The following FANCC variants were observed in gnomAD, a reference collection of about 807,000 sequenced individuals.
FANCC encodes the protein Fanconi anemia group C protein.
Under a neutral mutation model 71.3 loss-of-function variants are expected in FANCC, and 55 were observed. The ratio of observed to expected loss-of-function variants is 0.77; its 90% CI spans 0.62 to 0.97. The LOEUF (loss-of-function observed/expected upper bound fraction) is 0.97. FANCC is among the 50% of genes least tolerant of loss of function. FANCC has a pLI of 0.00. For missense variants in FANCC, 678 were observed against 670.9 expected (o/e 1.01, Z -0.12); for synonymous variants, 275 against 244.9 (o/e 1.12, Z -1.15).
intron 11 of FANCC, among the ~76,000 whole-genome samples, chr9:95,116,725 G>A (rs901981525): frequency 1.3e-5 from 2 of 152,162 alleles, no homozygotes; most frequent in Non-Finnish European, 2.9e-5. Context: ...CACATTCCTG[G>A]ATCAACACCA....
At chr9:95,116,393 G>A (rs1296971979) in intron 11 of FANCC, among the ~76,000 whole-genome samples, 1 of 152,224 alleles carries the variant, frequency 6.6e-6, no homozygotes, top group Non-Finnish European at 1.5e-5. Context: ...ATCACCCTGG[G>A]CAAGAACCTA....
At chr9:95,204,505 T>C (rs768309100) in intron 4 of FANCC, among the ~76,000 whole-genome samples, 4 of 152,198 alleles carry the variant, frequency 2.6e-5, no homozygotes, top group Non-Finnish European at 5.9e-5. Context: ...ACACAATTTT[T>C]GTGTGTAGGC....
intron 4 of FANCC, among the ~76,000 whole-genome samples, chr9:95,196,811 C>T (rs190136433): frequency 6.6e-6 from 1 of 152,180 alleles, no homozygotes; most frequent in African/African-American, 2.4e-5. Flanking sequence ...AGTTGGCAGA[C>T]CACGGACTCT....
rs730881711 is a variant in FANCC, at chr9:95,172,053, G to A, written c.440C>T (p.Pro147Leu). 2.3e-5 allele frequency: 37 copies of A among 1,606,000 alleles called. No homozygotes were observed. The highest frequency in any genetic ancestry group is 2.8e-5 in the Non-Finnish European group (33 of 1,172,932). Reference protein sequence around the residue: ...GLGYAPIDYYPGLLKNMVLSL... With the variant: ...GLGYAPIDYYLGLLKNMVLSL... ...AATACTCACATTTTTAAGCAAACCA[G>A]GATAGTAATCTATAGGTGCATACCC... Residue 147 changes from proline (P) to leucine (L), a missense_variant, in exon 5 of 15, where the codon CCT (proline) becomes CTT (leucine). Coordinates refer to ENST00000289081, the MANE Select transcript of FANCC (RefSeq NM_000136.3).
chr9:95,220,292 T>C (rs1211295662), intron 4 of FANCC, among the ~76,000 whole-genome samples: 1 of 152,208 alleles, frequency 6.6e-6, no homozygotes, highest in African/African-American at 2.4e-5. Context: ...AGTTCAACCA[T>C]TGTGGAAGAT....
At chr9:95,108,083 T>C (rs1588033801) in intron 13 of FANCC, among the ~76,000 whole-genome samples, 1 of 152,220 alleles carries the variant, frequency 6.6e-6, no homozygotes, top group East Asian at 1.9e-4. Flanking sequence ...TCTGAAAGAA[T>C]ACTTAGGCCT....
At chr9:95,166,074 A>G (rs565185853) in intron 6 of FANCC, among the ~76,000 whole-genome samples, 4 of 151,950 alleles carry the variant, frequency 2.6e-5, no homozygotes, top group East Asian at 3.9e-4. Context: ...TGCCTGCTCT[A>G]TTTTGGTTGC....
At chr9:95,252,157 T>C (rs903271461) in intron 1 of FANCC, among the ~76,000 whole-genome samples, 3 of 150,244 alleles carry the variant, frequency 2.0e-5, no homozygotes, top group African/African-American at 7.4e-5. Flanking sequence ...CAGGAGCCTG[T>C]AATCCCAGCT....
intron 4 of FANCC, 91 bp downstream of exon 4, chr9:95,240,558 G>A: frequency 1.2e-6 from 1 of 831,056 alleles, no homozygotes; most frequent in Non-Finnish European, 2.1e-6. Flanking sequence ...TCATAGAACT[G>A]GATTCCACCC....
At chr9:95,109,423 A>T (rs1403535417) in intron 13 of FANCC, among the ~76,000 whole-genome samples, 2 of 152,172 alleles carry the variant, frequency 1.3e-5, no homozygotes, top group Admixed American at 1.3e-4. Flanking sequence ...CCACAGGGTT[A>T]AAGGGTATGA....
chr9:95,135,200 C>T, intron 8 of FANCC, 146 bp downstream of exon 8: 1 of 840,770 alleles, frequency 1.2e-6, no homozygotes, highest in South Asian at 1.5e-5. Flanking sequence ...TTAGTGATTT[C>T]AAAAATAAAA....
intron 5 of FANCC, among the ~76,000 whole-genome samples, chr9:95,171,460 A>G (rs1229113403): frequency 2.2e-5 from 3 of 138,408 alleles, no homozygotes; most frequent in African/African-American, 8.8e-5. Flanking sequence ...AGTTCATTTG[A>G]AAAAAAAAAA....
intron 4 of FANCC, among the ~76,000 whole-genome samples, chr9:95,220,450 A>G (rs1829167697): frequency 6.6e-6 from 1 of 152,242 alleles, no homozygotes; most frequent in African/African-American, 2.4e-5. Flanking sequence ...TCACAATAGC[A>G]AAGACTTGGA....
At position 95,293,158 on chromosome 9, in the gene FANCC, G is replaced by T. The variant is rs1188980638; in HGVS notation, c.-79+24368C>A. 7 of 1,613,020 alleles carry T rather than the reference G, an allele frequency of 4.3e-6. No homozygotes were observed. In the East Asian group the frequency reaches 1.3e-4, roughly 31 times the overall value. ...AGAACCATCTTTTGAAGACTCTTGTGGCTCTAACACTGACAAGCAGACTCT... is the reference window on the plus strand; with the variant it reads ...AGAACCATCTTTTGAAGACTCTTGTTGCTCTAACACTGACAAGCAGACTCT... On this transcript the variant is annotated intron_variant, in intron 1 of 14. Coordinates refer to ENST00000289081, the MANE Select transcript of FANCC (RefSeq NM_000136.3).
At chr9:95,294,850 T>C (rs1834275705) in intron 1 of FANCC, 2 of 1,487,774 alleles carry the variant, frequency 1.3e-6, no homozygotes, top group Admixed American at 2.3e-5. Context: ...GCATCTACCA[T>C]TTCCTCTGGA....
At chr9:95,167,984 G>C (rs73532167) in intron 6 of FANCC, among the ~76,000 whole-genome samples, 3,344 of 152,266 alleles carry the variant, frequency 0.022, 122 homozygotes, top group African/African-American at 0.077. Context: ...TTCACCAGTG[G>C]ACCCGGCTAG....
chr9:95,129,166 G>C (rs577361140), intron 8 of FANCC, among the ~76,000 whole-genome samples: 7 of 152,082 alleles, frequency 4.6e-5, no homozygotes, highest in African/African-American at 7.2e-5. Flanking sequence ...AGTCTCCCTT[G>C]CTACCCCTAC....
At position 95,283,497 on chromosome 9, in the gene FANCC, C is replaced by G. The variant is rs78020313; in HGVS notation, c.-79+34029G>C. Reference sequence around the variant, plus strand: ...TACAGAGCATTGACCAAATAACTTACTACTCTGTGGCTGTCACCCTGATTC... The same window carrying G: ...TACAGAGCATTGACCAAATAACTTAGTACTCTGTGGCTGTCACCCTGATTC... On this transcript the variant is annotated intron_variant, in intron 1 of 14. Transcript: ENST00000289081. Among the ~76,000 whole-genome samples, 130 of 152,320 alleles carry G rather than the reference C, an allele frequency of 8.5e-4. 2 individuals carry two copies. The highest frequency in any genetic ancestry group is 3.0e-3 in the African/African-American group (126 of 41,564).
intron 12 of FANCC, among the ~76,000 whole-genome samples, chr9:95,112,358 C>T (rs2072013704): frequency 6.6e-6 from 1 of 152,178 alleles, no homozygotes; most frequent in African/African-American, 2.4e-5. Flanking sequence ...AGGAGTGTTC[C>T]TGGCCCCTTT....
Sources: allele counts gnomAD v4.1 joint callset (sites outside exome capture counted in the v4.1 genomes callset), GRCh38; gene constraint gnomAD v4.1.1; transcripts MANE v1.5; gene names NCBI Gene and HGNC (gene_info 2026-07-23, HGNC 2026-07-21).